KANSL1: variants seen among roughly 807,000 people sequenced by gnomAD.
The protein encoded by KANSL1 is MLL1/MLL complex subunit KANSL1.
Under a neutral mutation model 103.6 loss-of-function variants are expected in KANSL1, and 22 were observed. That is an observed-to-expected ratio of 0.21 (90% CI 0.15 to 0.30). The LOEUF (loss-of-function observed/expected upper bound fraction) is 0.30. Among genes scored for constraint, KANSL1 ranks in the 10% least tolerant of loss-of-function variants. The pLI is 1.00. For missense variants in KANSL1, 1,337 were observed against 1,399.8 expected, an observed-to-expected ratio of 0.96 and a Z score of 0.72; for synonymous variants, 600 against 527.6, an observed-to-expected ratio of 1.14 and a Z score of -1.88.
chr17:46,070,345 T>C (rs1438012084), intron 4 of KANSL1, among the ~76,000 whole-genome samples: 1 of 152,200 alleles, frequency 6.6e-6, no homozygotes, highest in Non-Finnish European at 1.5e-5. Context: ...TTGTAGTGAC[T>C]AAAAATATAC....
chr17:46,195,467 GCAAGAGT>G (rs1251938050), upstream of KANSL1, among the ~76,000 whole-genome samples: 1 of 152,242 alleles, frequency 6.6e-6, no homozygotes, highest in African/African-American at 2.4e-5. Context: ...ATTGCTTAGT[GCAAGAGT>G]CAAGAGTTCA....
intron 1 of KANSL1, among the ~76,000 whole-genome samples, chr17:46,186,474 A>G (rs186444428): frequency 3.5e-4 from 53 of 152,290 alleles, no homozygotes; most frequent in Admixed American, 1.6e-3. Context: ...CCTACCTTAT[A>G]CCTTTAGAGA....
intron 10 of KANSL1, chr17:46,035,858 C>T (rs62062323): frequency 0.14 from 21,549 of 151,984 alleles, 2,086 homozygotes; most frequent in Non-Finnish European, 0.22. Context: ...GTTCAACGGG[C>T]TCTTATCTCA....
intron 1 of KANSL1, among the ~76,000 whole-genome samples, chr17:46,180,758 G>A (rs992889930): frequency 6.6e-6 from 1 of 152,132 alleles, no homozygotes; most frequent in African/African-American, 2.4e-5. Flanking sequence ...CCAGCACTCT[G>A]GGAGGCCAAG....
chr17:46,132,211 G>A (rs1442410831), intron 2 of KANSL1, among the ~76,000 whole-genome samples: 1 of 152,108 alleles, frequency 6.6e-6, no homozygotes, highest in African/African-American at 2.4e-5. Flanking sequence ...CAAGAGAAAG[G>A]TCAGGGCAGT....
intron 2 of KANSL1, among the ~76,000 whole-genome samples, chr17:46,147,262 G>A (rs2044759394): frequency 6.6e-6 from 1 of 152,130 alleles, no homozygotes; most frequent in Non-Finnish European, 1.5e-5. Flanking sequence ...TGAATATGCT[G>A]TAAAGAGAAG....
chr17:46,053,443 T>C (rs1167827407), intron 6 of KANSL1, among the ~76,000 whole-genome samples: 1 of 135,268 alleles, frequency 7.4e-6, no homozygotes, highest in African/African-American at 2.8e-5. Flanking sequence ...TATAAAAATA[T>C]ATTTAATACT....
intron 1 of KANSL1, among the ~76,000 whole-genome samples, chr17:46,184,103 A>G (rs1012828978): frequency 6.6e-6 from 1 of 152,246 alleles, no homozygotes; most frequent in Non-Finnish European, 1.5e-5. Context: ...TATTTAATTT[A>G]AACATCTACT....
chr17:46,177,009 G>A (rs1188252543), intron 1 of KANSL1, among the ~76,000 whole-genome samples: 1 of 152,096 alleles, frequency 6.6e-6, no homozygotes, highest in African/African-American at 2.4e-5. Flanking sequence ...TACCTTTATT[G>A]ACTCGAAATA....
intron 2 of KANSL1, among the ~76,000 whole-genome samples, chr17:46,167,363 A>G (rs1055099058): frequency 6.6e-6 from 1 of 152,238 alleles, no homozygotes; most frequent in Admixed American, 6.5e-5. Flanking sequence ...ACATATGATA[A>G]TTAAATGCTT....
chr17:46,180,276 A>C (rs2046722658), intron 1 of KANSL1, among the ~76,000 whole-genome samples: 1 of 151,848 alleles, frequency 6.6e-6, no homozygotes, highest in African/African-American at 2.4e-5. Context: ...CGGGTGGATC[A>C]CCTGAGGTCA....
intron 10 of KANSL1, 28 bp from the exon 11 acceptor site, chr17:46,034,313 G>A: frequency 1.2e-6 from 2 of 1,611,952 alleles, no homozygotes; most frequent in Non-Finnish European, 1.7e-6. Flanking sequence ...AGTTTAAAAG[G>A]AAGGTACAAT....
At chr17:46,115,789 G>A (rs996375813) in intron 2 of KANSL1, among the ~76,000 whole-genome samples, 5 of 152,188 alleles carry the variant, frequency 3.3e-5, no homozygotes, top group South Asian at 2.1e-4. Flanking sequence ...TACCCAGACC[G>A]CTTTTAACAT....
At position 46,192,840 on chromosome 17, in the gene KANSL1, T is replaced by C. The variant is rs936410381; in HGVS notation, c.-107A>G. On this transcript the variant is annotated 5_prime_UTR_variant, in exon 1 of 15. Coordinates refer to ENST00000432791, the MANE Select transcript of KANSL1 (RefSeq NM_015443.4). Reference sequence around the variant, plus strand: ...GCACCTACCACGTGATGGAGGAGCGTAGCCCGGGCGGATTCAGCCCCACAA... The same window carrying C: ...GCACCTACCACGTGATGGAGGAGCGCAGCCCGGGCGGATTCAGCCCCACAA... The C allele has an allele frequency of 6.5e-6, 1 of 153,966 alleles. No homozygotes were observed. Among genetic ancestry groups the C allele is most frequent in the African/African-American group, 2.4e-5 (1 of 41,426 alleles). 9.5% of individuals were successfully genotyped at this position (153,966 alleles called of 1,614,324 possible).
chr17:46,125,101 A>AGAGGGAGGGAGG (rs749562466), intron 2 of KANSL1, among the ~76,000 whole-genome samples: 1 of 19,028 alleles, frequency 5.3e-5, no homozygotes, highest in Non-Finnish European at 1.2e-4. Context: ...AGGGAGGGAG[A>AGAGGGAGGGAGG]GAGGGAGGGA....
At chr17:46,183,395 C>T (rs1344002174) in intron 1 of KANSL1, among the ~76,000 whole-genome samples, 1 of 151,800 alleles carries the variant, frequency 6.6e-6, no homozygotes, top group Non-Finnish European at 1.5e-5. Context: ...CTAGCCTAGA[C>T]AACACACTGA....
At chr17:46,108,662 G>C (rs1395815843) in intron 2 of KANSL1, among the ~76,000 whole-genome samples, 1 of 152,322 alleles carries the variant, frequency 6.6e-6, no homozygotes, top group East Asian at 1.9e-4. Flanking sequence ...AGGGAAGGAA[G>C]GAAGCAGGAA....
rs75233219 is a variant in KANSL1, at chr17:46,201,637, C to G, written c.-90+22034G>C. Among the ~76,000 whole-genome samples the G allele has an allele frequency of 3.3e-5, 5 of 151,418 alleles. No homozygotes were observed. In the East Asian group the frequency reaches 9.8e-4, roughly 30 times the overall value. On this transcript the variant is annotated intron_variant, in intron 1 of 14. Transcript: ENST00000572904. ...CTGTAATCCTAACACTTTGGGAGAC[C>G]AAGATGGGAGGATCATTTGAGCCCT...
chr17:46,032,634 T>C, intron 13 of KANSL1: 1 of 346,258 alleles, frequency 2.9e-6, no homozygotes, highest in Non-Finnish European at 5.2e-6. Flanking sequence ...ACTTTCTACT[T>C]GAGAATCCCG....
Sources: gnomAD v4.1 joint callset for allele counts (sites outside exome capture counted in the v4.1 genomes callset) on GRCh38, gnomAD v4.1.1 for gene constraint, MANE v1.5 for transcripts, NCBI Gene and HGNC (gene_info 2026-07-23, HGNC 2026-07-21) for gene names.